NRG1: variants seen among roughly 807,000 people sequenced by gnomAD.
The protein encoded by NRG1 is pro-neuregulin-1, membrane-bound isoform.
Under a neutral mutation model 63.8 loss-of-function variants are expected in NRG1, and 18 were observed. That is an observed-to-expected ratio of 0.28 (90% CI 0.19 to 0.42). The LOEUF is 0.42. NRG1 is among the 10% of genes least tolerant of loss of function. The pLI, the probability that NRG1 is intolerant of heterozygous loss-of-function variation, is 1.00. For missense variants in NRG1, 762 were observed against 814.7 expected, an observed-to-expected ratio of 0.94 and a Z score of 0.79; for synonymous variants, 302 against 301.3, an observed-to-expected ratio of 1.00 and a Z score of -0.02.
At chr8:32,658,665 C>G (rs760504779) in intron 5 of NRG1, among the ~76,000 whole-genome samples, 6 of 152,182 alleles carry the variant, frequency 3.9e-5, no homozygotes, top group Admixed American at 6.5e-5. Context: ...CCAGAGACCA[C>G]ATAGAGCCAG....
intron 1 of NRG1, among the ~76,000 whole-genome samples, chr8:32,027,876 C>G (rs541964314): frequency 1.3e-5 from 2 of 152,258 alleles, no homozygotes; most frequent in African/African-American, 4.8e-5. Context: ...TTCAAAGAGA[C>G]TTAAGCCACT....
At chr8:32,260,173 T>C (rs1850207479) in intron 1 of NRG1, among the ~76,000 whole-genome samples, 1 of 152,184 alleles carries the variant, frequency 6.6e-6, no homozygotes, top group Non-Finnish European at 1.5e-5. Flanking sequence ...AACAACTATA[T>C]ATCCTCACCA....
At chr8:31,831,077 C>A (rs1825106668) in intron 1 of NRG1, among the ~76,000 whole-genome samples, 1 of 151,446 alleles carries the variant, frequency 6.6e-6, no homozygotes, top group African/African-American at 2.4e-5. Flanking sequence ...TAAGATAGCA[C>A]AGAGTTTGCT....
At chr8:32,332,609 T>A (rs774000338) in intron 1 of NRG1, among the ~76,000 whole-genome samples, 12 of 152,210 alleles carry the variant, frequency 7.9e-5, no homozygotes, top group Non-Finnish European at 1.3e-4. Flanking sequence ...CTGACCCTCA[T>A]CACAATTCTA....
In NRG1 at chr8:32,680,937, A is replaced by G. The variant is rs78196201; in HGVS notation, c.503-47012A>G. ...TACATGATACCATCCTGTTTTACTGATGAGAAACAAGTATCTAAGATGTTC... is the reference window on the plus strand; with the variant it reads ...TACATGATACCATCCTGTTTTACTGGTGAGAAACAAGTATCTAAGATGTTC... On this transcript the variant is annotated intron_variant, in intron 5 of 11. Coordinates refer to ENST00000356819, the Ensembl canonical transcript of NRG1. Among the ~76,000 whole-genome samples the G allele has an allele frequency of 3.9e-3, 590 of 152,096 alleles. 6 individuals are homozygous for G. Among genetic ancestry groups the G allele is most frequent in the African/African-American group, 0.013 (549 of 41,462 alleles).
chr8:32,688,625 A>G lies in NRG1; in HGVS notation c.503-39324A>G, dbSNP rs563781761. 7.4e-4 allele frequency among the ~76,000 whole-genome samples: 113 copies of G among 152,284 alleles called. 1 individual carries two copies. The South Asian group carries it at 0.018, about 25-fold the overall frequency. ...TTATGAATGAATACCTAATATTGAC[A>G]TGCAAGGAGTTTCATGCCTCAGTTA... On this transcript the variant is annotated intron_variant, in intron 5 of 11. Coordinates refer to ENST00000356819, the Ensembl canonical transcript of NRG1.
At chr8:31,642,779 G>T (rs1803922528) in intron 1 of NRG1, among the ~76,000 whole-genome samples, 1 of 152,134 alleles carries the variant, frequency 6.6e-6, no homozygotes, top group Non-Finnish European at 1.5e-5. Flanking sequence ...CGATTTTTGT[G>T]TTATATGATT....
intron 1 of NRG1, among the ~76,000 whole-genome samples, chr8:32,502,179 T>C (rs549356614): frequency 6.6e-6 from 1 of 152,030 alleles, no homozygotes; most frequent in Admixed American, 6.5e-5. Context: ...AAGCCTCCAA[T>C]CATGGCAGAA....
At chr8:31,915,946 G>T (rs1434903239) in intron 1 of NRG1, among the ~76,000 whole-genome samples, 1 of 152,008 alleles carries the variant, frequency 6.6e-6, no homozygotes, top group Non-Finnish European at 1.5e-5. Context: ...TCAAATGGTT[G>T]GTCCTTACTA....
chr8:32,413,798 T>C (rs1302262120), intron 1 of NRG1, among the ~76,000 whole-genome samples: 1 of 152,190 alleles, frequency 6.6e-6, no homozygotes, highest in South Asian at 2.1e-4. Context: ...AGGCTCAACA[T>C]GATTTCTTAT....
intron 1 of NRG1, among the ~76,000 whole-genome samples, chr8:32,138,458 C>G (rs1023078928): frequency 6.6e-6 from 1 of 151,826 alleles, no homozygotes; most frequent in African/African-American, 2.4e-5. Flanking sequence ...CAGCATTCCC[C>G]CTTCTTAGAG....
chr8:31,813,736 A>G (rs1375203628), intron 1 of NRG1, among the ~76,000 whole-genome samples: 1 of 151,920 alleles, frequency 6.6e-6, no homozygotes, highest in Admixed American at 6.6e-5. Flanking sequence ...CATGTTGTCC[A>G]GGCTGGTCTC....
Position 31,672,951 on chromosome 8 carries a change from GT to G in NRG1, c.37+33535del, listed in dbSNP as rs5890593. ...TACAATGTATAGGGCTAGAATCATA[GT>G]TTTTTTTTTTTTTTAAGAGTTTAAA... is the stretch of plus-strand genomic sequence containing the variant. On this transcript the variant is annotated intron_variant, in intron 1 of 10. Coordinates refer to the NRG1 transcript ENST00000519301. Among the ~76,000 whole-genome samples the G allele has an allele frequency of 7.6e-3, 1,093 of 143,032 alleles. 9 individuals are homozygous for G. The highest frequency in any genetic ancestry group is 0.021 in the African/African-American group (809 of 38,988). The allele number at this position is 143,032 out of a possible 152,430, so 93.8% of individuals were successfully genotyped here. A position where few individuals can be genotyped will look rare whatever the true frequency, so the allele number is the denominator to read the frequency against.
chr8:31,802,978 G>A (rs10503890), intron 1 of NRG1, among the ~76,000 whole-genome samples: 6,982 of 152,162 alleles, frequency 0.046, 556 homozygotes, highest in African/African-American at 0.16. Context: ...ATTTTTGTGG[G>A]CATCATAGCA....
At chr8:32,435,598 G>A (rs1389048808) in intron 1 of NRG1, among the ~76,000 whole-genome samples, 1 of 152,106 alleles carries the variant, frequency 6.6e-6, no homozygotes, top group Non-Finnish European at 1.5e-5. Flanking sequence ...TGCATAGGTA[G>A]TTCTATAAAT....
chr8:32,078,526 G>C lies in NRG1; in HGVS notation c.37+439095G>C, dbSNP rs574293945. Among the ~76,000 whole-genome samples, 3 of 152,178 alleles carry C rather than the reference G, an allele frequency of 2.0e-5. 1 individual carries two copies. The South Asian group carries it at 6.2e-4, about 31-fold the overall frequency. On this transcript the variant is annotated intron_variant, in intron 1 of 10. Coordinates refer to the NRG1 transcript ENST00000519301. ...AACAGATCAGAATAAATAACGCTGA[G>C]AGGACCTGACCTGATTTGCTATAGG...
intron 1 of NRG1, among the ~76,000 whole-genome samples, chr8:31,746,577 T>C (rs1815890455): frequency 6.6e-6 from 1 of 151,962 alleles, no homozygotes; most frequent in South Asian, 2.1e-4. Flanking sequence ...ACAAGAAGTG[T>C]TGGCTATGAG....
At chr8:32,463,176 C>T (rs1822548457) in intron 1 of NRG1, among the ~76,000 whole-genome samples, 1 of 152,160 alleles carries the variant, frequency 6.6e-6, no homozygotes, top group African/African-American at 2.4e-5. Flanking sequence ...ATCTATACCA[C>T]AATTTATTTA....
intron 1 of NRG1, among the ~76,000 whole-genome samples, chr8:32,070,775 T>A (rs1825643149): frequency 6.6e-6 from 1 of 152,218 alleles, no homozygotes; most frequent in African/African-American, 2.4e-5. Flanking sequence ...ACAGCATATA[T>A]CAGACCATAA....
Sources: gnomAD v4.1 joint callset for allele counts (sites outside exome capture counted in the v4.1 genomes callset) on GRCh38, gnomAD v4.1.1 for gene constraint, MANE v1.5 for transcripts, NCBI Gene and HGNC (gene_info 2026-07-23, HGNC 2026-07-21) for gene names.